Variants in PAK1 observed in about 807,000 individuals in gnomAD.
The protein encoded by PAK1 is serine/threonine-protein kinase PAK 1.
Under a neutral mutation model 67.4 loss-of-function variants are expected in PAK1, and 29 were observed. The observed-to-expected ratio is 0.43, with a 90% CI of 0.32 to 0.59. PAK1 has a LOEUF of 0.59. PAK1 is among the 20% of genes least tolerant of loss of function. The pLI, the probability that PAK1 is intolerant of heterozygous loss-of-function variation, is 0.07. For synonymous variants in PAK1, 223 were observed against 237.4 expected (o/e 0.94, Z 0.56); for missense variants, 337 against 670.7 (o/e 0.50, Z 5.50).
chr11:77,379,160 C>A (rs1949495611), intron 4 of PAK1, 81 bp downstream of exon 4: 6 of 1,213,022 alleles, frequency 4.9e-6, no homozygotes, highest in Non-Finnish European at 6.8e-6. Context: ...TTCTCTCATC[C>A]CAGACTAATA....
chr11:77,465,521 G>C (rs781159441), intron 1 of PAK1, among the ~76,000 whole-genome samples: 4 of 151,846 alleles, frequency 2.6e-5, no homozygotes, highest in Middle Eastern at 3.4e-3. Flanking sequence ...TGCTCACCTG[G>C]TTCTTTATTT....
intron 9 of PAK1, among the ~76,000 whole-genome samples, chr11:77,345,246 C>A (rs531860268): frequency 2.6e-5 from 4 of 151,474 alleles, no homozygotes; most frequent in Non-Finnish European, 5.9e-5. Context: ...CAGGCCTTTA[C>A]ACACAGAGTT....
chr11:77,483,545 A>G, the PAK1 span, among the ~76,000 whole-genome samples: 13 of 152,350 alleles, frequency 8.5e-5, no homozygotes, highest in African/African-American at 2.6e-4. Context: ...GTTTGGGGGT[A>G]AGAGCAGTGA....
At chr11:77,344,081 A>G in intron 9 of PAK1, 150 bp from the exon 10 acceptor site, 1 of 585,614 alleles carries the variant, frequency 1.7e-6, no homozygotes, top group Non-Finnish European at 3.1e-6. Flanking sequence ...TATGTAGACC[A>G]GTGGTCTTCA....
chr11:77,509,986 G>C, the PAK1 span, among the ~76,000 whole-genome samples: 1 of 152,132 alleles, frequency 6.6e-6, no homozygotes, highest in Admixed American at 6.5e-5. Context: ...CCTGAATTTG[G>C]GGAATAGACT....
intron 1 of PAK1, among the ~76,000 whole-genome samples, chr11:77,459,692 T>TC (rs746174401): frequency 5.7e-4 from 42 of 73,626 alleles, no homozygotes; most frequent in Middle Eastern, 8.1e-3. Flanking sequence ...TTCTTCTTCT[T>TC]TTTTTTTTTT....
rs1957200978 is a variant in PAK1, at chr11:77,459,018, A to G, written c.-22+14534T>C. Among the ~76,000 whole-genome samples, 4 of 152,190 alleles carry G rather than the reference A, an allele frequency of 2.6e-5. No homozygotes were observed. The South Asian group carries it at 8.3e-4, about 32-fold the overall frequency. On this transcript the variant is annotated intron_variant, in intron 1 of 14. Coordinates refer to ENST00000356341, the MANE Select transcript of PAK1 (RefSeq NM_002576.5). ...CATCCAAGTTGCATCTTGAGGAATA[A>G]AGAGTTTTAAAAGCATAGAGGAAAA...
At chr11:77,410,086 C>G (rs1009496189) in intron 1 of PAK1, among the ~76,000 whole-genome samples, 4 of 152,120 alleles carry the variant, frequency 2.6e-5, no homozygotes, top group African/African-American at 9.7e-5. Context: ...CCTCCTCCTC[C>G]TGTCCCTCCA....
chr11:77,520,765 A>G, the PAK1 span, among the ~76,000 whole-genome samples: 32 of 152,346 alleles, frequency 2.1e-4, no homozygotes, highest in African/African-American at 7.7e-4. Context: ...GGGTACAGAA[A>G]GATGAATGGC....
chr11:77,483,007 G>A, the PAK1 span, among the ~76,000 whole-genome samples: 1 of 152,070 alleles, frequency 6.6e-6, no homozygotes, highest in Non-Finnish European at 1.5e-5. Flanking sequence ...GACCAGACTG[G>A]CCAATAGGGT....
At chr11:77,344,680 T>A (rs1944134485) in intron 9 of PAK1, among the ~76,000 whole-genome samples, 1 of 152,222 alleles carries the variant, frequency 6.6e-6, no homozygotes, top group Non-Finnish European at 1.5e-5. Flanking sequence ...TCAGAGAGGA[T>A]GTGACTTGCA....
chr11:77,451,692 T>G (rs1041840699), intron 1 of PAK1, among the ~76,000 whole-genome samples: 1 of 145,426 alleles, frequency 6.9e-6, no homozygotes, highest in African/African-American at 2.7e-5. Context: ...CTCCGCCTCC[T>G]GGGTTCATGC....
intron 14 of PAK1, among the ~76,000 whole-genome samples, chr11:77,330,701 A>T (rs1177562804): frequency 6.6e-6 from 1 of 152,212 alleles, no homozygotes; most frequent in Non-Finnish European, 1.5e-5. Flanking sequence ...AACCTAGGCA[A>T]TACCATTCAG....
chr11:77,411,646 T>A (rs1954552147), intron 1 of PAK1: 1 of 152,186 alleles, frequency 6.6e-6, no homozygotes, highest in South Asian at 2.1e-4. Flanking sequence ...TTAGGGTCCC[T>A]TAAGGTAAGA....
Position 77,322,901 on chromosome 11 carries a change from T to C in PAK1, c.*373A>G, listed in dbSNP as rs1938735844. ...GAAATCTCAATTGATTACAAATTGA[T>C]AATATTATCAAACCATAAATTTATA... On this transcript the variant is annotated 3_prime_UTR_variant, in exon 15 of 15. Transcript: ENST00000356341. The C allele has an allele frequency of 1.8e-6, 1 of 555,984 alleles. No individual in the cohort carries two copies. Among genetic ancestry groups the C allele is most frequent in the East Asian group, 2.9e-5 (1 of 34,256 alleles). 34.4% of individuals were successfully genotyped at this position (555,984 alleles called of 1,614,324 possible).
At chr11:77,469,208 T>C (rs1466750557) in intron 1 of PAK1, among the ~76,000 whole-genome samples, 1 of 152,188 alleles carries the variant, frequency 6.6e-6, no homozygotes, top group South Asian at 2.1e-4. Flanking sequence ...TGGACTAGAA[T>C]TGTTGGTCTG....
chr11:77,452,504 A>G (rs923011041), intron 1 of PAK1, among the ~76,000 whole-genome samples: 7 of 152,196 alleles, frequency 4.6e-5, no homozygotes, highest in Admixed American at 4.6e-4. Flanking sequence ...TTTCTCATTC[A>G]TAAAATAAGG....
At chr11:77,433,225 A>G (rs1239412797) in intron 1 of PAK1, among the ~76,000 whole-genome samples, 1 of 152,248 alleles carries the variant, frequency 6.6e-6, no homozygotes, top group Non-Finnish European at 1.5e-5. Context: ...TAACTGTAAG[A>G]GCTAAAAGTA....
intron 1 of PAK1, among the ~76,000 whole-genome samples, chr11:77,465,996 T>C (rs1957578961): frequency 6.6e-6 from 1 of 152,128 alleles, no homozygotes; most frequent in African/African-American, 2.4e-5. Flanking sequence ...TAACAGGTAA[T>C]TGGAGAACCA....
Sources: gnomAD v4.1 joint callset for allele counts (sites outside exome capture counted in the v4.1 genomes callset) on GRCh38, gnomAD v4.1.1 for gene constraint, MANE v1.5 for transcripts, NCBI Gene and HGNC (gene_info 2026-07-23, HGNC 2026-07-21) for gene names.